The following FER1L6 variants were observed in gnomAD, a reference collection of about 807,000 sequenced individuals.
FER1L6 encodes the protein fer-1-like protein 6.
A neutral mutation model predicts 219.2 loss-of-function variants in FER1L6; 177 were observed. The ratio of observed to expected loss-of-function variants is 0.81; its 90% CI spans 0.71 to 0.91. The LOEUF is 0.91. Ranked by LOEUF, FER1L6 falls within the 40% of genes least tolerant of loss-of-function variation. The pLI, the probability that FER1L6 is intolerant of heterozygous loss-of-function variation, is 0.00. For missense variants in FER1L6, 2,153 were observed against 2,259.9 expected (o/e 0.95, Z 0.96); for synonymous variants, 768 against 824.3 (o/e 0.93, Z 1.17).
At chr8:123,949,229 T>C (rs1343442562) in intron 1 of FER1L6, among the ~76,000 whole-genome samples, 1 of 152,222 alleles carries the variant, frequency 6.6e-6, no homozygotes, top group Non-Finnish European at 1.5e-5. Flanking sequence ...TGGAAAAGTC[T>C]GAATAGCACC....
chr8:123,972,703 C>G (rs1815874348), intron 6 of FER1L6, among the ~76,000 whole-genome samples: 1 of 152,222 alleles, frequency 6.6e-6, no homozygotes, highest in Admixed American at 6.5e-5. Flanking sequence ...TTCTGCATGA[C>G]AGCATTTACA....
chr8:123,864,173 C>G (rs1450933290), intron 1 of FER1L6, among the ~76,000 whole-genome samples: 1 of 140,964 alleles, frequency 7.1e-6, no homozygotes, highest in East Asian at 1.9e-4. Flanking sequence ...TAGGGCAGGC[C>G]TGGTGGTGAC....
In FER1L6 at chr8:124,069,357, C is replaced by G; in HGVS notation, c.3719-3C>G. 6.2e-7 allele frequency: 1 copy of G among 1,607,176 alleles called. No homozygotes were observed. The highest frequency in any genetic ancestry group is 1.3e-5 in the African/African-American group (1 of 74,730). On this transcript the variant is annotated splice_polypyrimidine_tract_variant and splice_region_variant and intron_variant, in intron 28 of 40. Transcript: ENST00000522917. ...AAACCTAATTTCTGCTGAATATCCACAGAGGCAAAGCCAGATGAGGTAGTG... is the reference window on the plus strand; with the variant it reads ...AAACCTAATTTCTGCTGAATATCCAGAGAGGCAAAGCCAGATGAGGTAGTG...
chr8:124,040,086 C>CG, intron 20 of FER1L6, 80 bp downstream of exon 20: 4 of 1,576,102 alleles, frequency 2.5e-6, no homozygotes, highest in East Asian at 2.2e-5. Context: ...AAAGAAACAA[C>CG]GGGGGCATGT....
In FER1L6 at chr8:124,060,676, G is replaced by A. The variant is rs778302260; in HGVS notation, c.3114G>A (p.Pro1038=). Residue 1038 remains proline (P), a synonymous_variant, in exon 24 of 41, where the codon CCG becomes CCA. Transcript: ENST00000522917. ...TGATCCAGAGCTACAAGAACAACCC[G>A]AACTTCAGCATCCAGGCAGACGCTT... ...SCVIQSYKNN[P]NFSIQADAFE... 6.2e-6 allele frequency: 10 copies of A among 1,613,928 alleles called. No individual in the cohort carries two copies. In the Admixed American group the frequency reaches 6.7e-5, roughly 11 times the overall value.
chr8:124,025,850 A>ATTG (rs1563751709), intron 18 of FER1L6, among the ~76,000 whole-genome samples: 13 of 151,854 alleles, frequency 8.6e-5, no homozygotes, highest in African/African-American at 3.1e-4. Context: ...TATGATTCTT[A>ATTG]GAATGAACAT....
At chr8:124,070,972 A>G (rs1359310812) in intron 30 of FER1L6, among the ~76,000 whole-genome samples, 1 of 152,238 alleles carries the variant, frequency 6.6e-6, no homozygotes, top group Non-Finnish European at 1.5e-5. Context: ...CAGTGTGAAC[A>G]TCACAAAGTA....
At chr8:123,866,071 T>C (rs1260061774) in intron 1 of FER1L6, among the ~76,000 whole-genome samples, 3 of 151,848 alleles carry the variant, frequency 2.0e-5, no homozygotes, top group African/African-American at 7.3e-5. Context: ...TCTTTGCTAT[T>C]GTGAATAATG....
At chr8:123,912,110 A>G (rs1029092842) in intron 1 of FER1L6, among the ~76,000 whole-genome samples, 3 of 152,146 alleles carry the variant, frequency 2.0e-5, no homozygotes, top group Non-Finnish European at 4.4e-5. Context: ...TCAAAGTGGG[A>G]GCTGGGATAG....
chr8:123,921,945 C>T (rs1337941765), intron 1 of FER1L6, among the ~76,000 whole-genome samples: 1 of 152,178 alleles, frequency 6.6e-6, no homozygotes, highest in African/African-American at 2.4e-5. Context: ...GTTTGAGCCA[C>T]TGTTTCTCCA....
Position 123,852,471 on chromosome 8 carries a change from CGTGTGTGTGTGTGTGTGTGT to C in FER1L6, c.-8+309_-8+328del, listed in dbSNP as rs61303449. Among the ~76,000 whole-genome samples the C allele has an allele frequency of 5.7e-5, 8 of 139,950 alleles. No homozygotes were observed. The highest frequency in any genetic ancestry group is 4.8e-4 in the South Asian group (2 of 4,194). The allele number at this position is 139,950 out of a possible 152,430, so 91.8% of individuals were successfully genotyped here. On this transcript the variant is annotated intron_variant, in intron 1 of 40. Coordinates refer to ENST00000522917, the MANE Select transcript of FER1L6 (RefSeq NM_001039112.2). The surrounding 1 kb of genome is among the most constrained non-coding windows in gnomAD (Gnocchi z 4.9). ...GCTTGAACTCCATGTTGTGAGCATG[CGTGTGTGTGTGTGTGTGTGT>C]GTGTGTGTGTGTGTGTGTGTGTTTG...
chr8:124,071,705 T>C, intron 31 of FER1L6, 74 bp downstream of exon 31: 1 of 1,517,532 alleles, frequency 6.6e-7, no homozygotes, highest in East Asian at 2.3e-5. Context: ...TATGGCAGAC[T>C]GGGAGGCTTA....
intron 26 of FER1L6, 51 bp from the exon 27 acceptor site, chr8:124,066,377 A>C (rs760366014): frequency 8.8e-6 from 14 of 1,588,036 alleles, no homozygotes; most frequent in Non-Finnish European, 1.2e-5. Flanking sequence ...GACCATCAGC[A>C]TGCAGCCAAA....
At chr8:123,920,731 G>A (rs1443463338) in intron 1 of FER1L6, among the ~76,000 whole-genome samples, 2 of 152,188 alleles carry the variant, frequency 1.3e-5, no homozygotes, top group African/African-American at 4.8e-5. Context: ...ACTATTTTAA[G>A]TGTACAGTTC....
intron 24 of FER1L6, among the ~76,000 whole-genome samples, chr8:124,061,442 A>T (rs1464279006): frequency 6.6e-6 from 1 of 152,150 alleles, no homozygotes; most frequent in Non-Finnish European, 1.5e-5. Context: ...GCCACCAGGG[A>T]AAACAGGTGG....
chr8:124,054,916 C>T (rs758501434), intron 22 of FER1L6, among the ~76,000 whole-genome samples: 2 of 152,090 alleles, frequency 1.3e-5, no homozygotes, highest in Non-Finnish European at 2.9e-5. Context: ...CAGTGTATTC[C>T]GAAGGGGCAA....
intron 1 of FER1L6, among the ~76,000 whole-genome samples, chr8:123,900,812 T>G (rs549395949): frequency 6.6e-6 from 1 of 152,342 alleles, no homozygotes; most frequent in South Asian, 2.1e-4. Flanking sequence ...ATTTATTGAC[T>G]TGCGTATGTT....
At chr8:123,993,590 C>T (rs969804635) in intron 12 of FER1L6, among the ~76,000 whole-genome samples, 1 of 152,170 alleles carries the variant, frequency 6.6e-6, no homozygotes, top group African/African-American at 2.4e-5. Flanking sequence ...AAAGAAACTT[C>T]CCACCAGCAG....
intron 15 of FER1L6, among the ~76,000 whole-genome samples, chr8:124,016,416 A>G (rs1226366256): frequency 6.6e-6 from 1 of 152,032 alleles, no homozygotes; most frequent in Non-Finnish European, 1.5e-5. Flanking sequence ...TTCCTTTATA[A>G]TTGATTTTTT....
Sources: gnomAD v4.1 joint callset for allele counts (sites outside exome capture counted in the v4.1 genomes callset) on GRCh38, gnomAD v4.1.1 for gene constraint, Gnocchi (gnomAD v3.1) non-coding constraint, MANE v1.5 for transcripts, NCBI Gene and HGNC (gene_info 2026-07-23, HGNC 2026-07-21) for gene names.